Variants in MVD observed in about 807,000 individuals in gnomAD.
MVD encodes the protein diphosphomevalonate decarboxylase.
A neutral mutation model predicts 42.4 loss-of-function variants in MVD; 52 were observed. The ratio of observed to expected loss-of-function variants is 1.23; its 90% CI spans 0.98 to 1.55. The LOEUF is 1.55. MVD is among the 40% of genes most tolerant of loss of function. MVD has a pLI of 0.00. For missense variants in MVD, 663 were observed against 572.1 expected (o/e 1.16, Z -1.62); for synonymous variants, 287 against 243.2 (o/e 1.18, Z -1.68).
In MVD at chr16:88,656,359, T is replaced by G. The variant is rs1183693982; in HGVS notation, c.404-55A>C. On this transcript the variant is annotated intron_variant, in intron 4 of 9. Coordinates refer to ENST00000301012, the MANE Select transcript of MVD (RefSeq NM_002461.3). ...TCAGAGCTGCCTGCGCTGTGCTCCC[T>G]GACAGCTCACCGCCCCAGGAACGTC... 15 of 1,570,052 alleles carry G rather than the reference T, an allele frequency of 9.6e-6. No individual in the cohort carries two copies. In the East Asian group the frequency reaches 3.1e-4, roughly 33 times the overall value.
At chr16:88,662,288 C>G (rs1349179415) in intron 1 of MVD, 2 of 156,400 alleles carry the variant, frequency 1.3e-5, no homozygotes, top group African/African-American at 4.8e-5. Flanking sequence ...GGGCAAAGCA[C>G]TGATACAATC....
chr16:88,653,207 A>C, intron 9 of MVD, 93 bp downstream of exon 9: 1 of 934,978 alleles, frequency 1.1e-6, no homozygotes, highest in Non-Finnish European at 1.6e-6. Context: ...AGGGACAGGG[A>C]GCCGCGCTTA....
At chr16:88,661,334 G>C (rs534282298) in intron 1 of MVD, among the ~76,000 whole-genome samples, 11 of 152,226 alleles carry the variant, frequency 7.2e-5, no homozygotes, top group African/African-American at 2.6e-4. Flanking sequence ...GCTAGTTTGG[G>C]AGACAATACC....
At chr16:88,658,747 G>T (rs750100826) in intron 1 of MVD, 27 bp from the exon 2 acceptor site, 1 of 1,591,636 alleles carries the variant, frequency 6.3e-7, no homozygotes, top group Non-Finnish European at 8.6e-7. Context: ...GGGCCAGGCC[G>T]GTGGGCTTCC....
At chr16:88,659,194 C>T (rs1908133062) in intron 1 of MVD, 1 of 188,432 alleles carries the variant, frequency 5.3e-6, no homozygotes, top group Non-Finnish European at 1.1e-5. Flanking sequence ...AACGTTTGCC[C>T]TGGGAGCGCT....
chr16:88,658,970 C>T lies in MVD; in HGVS notation c.71-250G>A, dbSNP rs139166874. ...CCGTCCCCGCTCCCCATTCCTTCAT[C>T]GCTTCTACTCCAGCATCCGTGAGTG... On this transcript the variant is annotated intron_variant, in intron 1 of 9. Coordinates refer to ENST00000301012, the MANE Select transcript of MVD (RefSeq NM_002461.3). The T allele has an allele frequency of 3.2e-3, 1,643 of 509,346 alleles. 25 individuals carry two copies. Among genetic ancestry groups the T allele is most frequent in the African/African-American group, 0.028 (1,457 of 51,858 alleles). 31.6% of individuals were successfully genotyped at this position (509,346 alleles called of 1,614,324 possible).
Position 88,652,223 on chromosome 16 carries a change from T to A in MVD, c.*302A>T, listed in dbSNP as rs956084727. ...TCAGAGAACTGGGCATAGCCAGAGC[T>A]GGGGTGAGAAAGCCCTTCAGCCCTG... On this transcript the variant is annotated 3_prime_UTR_variant, in exon 10 of 10. Coordinates refer to ENST00000301012, the MANE Select transcript of MVD (RefSeq NM_002461.3). 4 of 529,344 alleles carry A rather than the reference T, an allele frequency of 7.6e-6. No homozygotes were observed. In the Admixed American group the frequency reaches 1.3e-4, roughly 17 times the overall value. 32.8% of individuals were successfully genotyped at this position (529,344 alleles called of 1,614,324 possible).
chr16:88,656,686 C>A (rs1459915302), intron 4 of MVD: 3 of 319,752 alleles, frequency 9.4e-6, no homozygotes, highest in African/African-American at 4.2e-5. Context: ...CAGGACAGAG[C>A]TGGACTCCAC....
In MVD at chr16:88,652,483, G is replaced by T; in HGVS notation, c.*42C>A. 5 of 1,547,394 alleles carry T rather than the reference G, an allele frequency of 3.2e-6. No individual in the cohort carries two copies. The highest frequency in any genetic ancestry group is 4.4e-6 in the Non-Finnish European group (5 of 1,144,162). On this transcript the variant is annotated 3_prime_UTR_variant, in exon 10 of 10. Transcript: ENST00000301012. ...ACATCCGCTCCCTAGCTCCGGCGAGGCCACCCCTTCTCCAAGCGGCATGCG... is the reference window on the plus strand; with the variant it reads ...ACATCCGCTCCCTAGCTCCGGCGAGTCCACCCCTTCTCCAAGCGGCATGCG...
chr16:88,662,345 A>G (rs1908357633), intron 1 of MVD, among the ~76,000 whole-genome samples: 1 of 152,222 alleles, frequency 6.6e-6, no homozygotes, highest in Non-Finnish European at 1.5e-5. Flanking sequence ...GCCAAACTCA[A>G]AAGATACTGG....
At chr16:88,653,439 G>C (rs747984621) in intron 8 of MVD, 31 bp from the exon 9 acceptor site, 1 of 1,558,888 alleles carries the variant, frequency 6.4e-7, no homozygotes, top group African/African-American at 1.4e-5. Flanking sequence ...CACGGTGAAT[G>C]CATCCGTTTC....
rs1263357235 is a variant in MVD, at chr16:88,652,474, T to C, written c.*51A>G. On this transcript the variant is annotated 3_prime_UTR_variant, in exon 10 of 10. Transcript: ENST00000301012. ...CAGCCCACCACATCCGCTCCCTAGC[T>C]CCGGCGAGGCCACCCCTTCTCCAAG... 1.3e-6 allele frequency: 2 copies of C among 1,540,788 alleles called. No homozygotes were observed. The highest frequency in any genetic ancestry group is 1.4e-5 in the African/African-American group (1 of 72,838).
intron 3 of MVD, 162 bp from the exon 4 acceptor site, chr16:88,657,744 G>T: frequency 7.8e-7 from 1 of 1,276,360 alleles, no homozygotes; most frequent in Non-Finnish European, 1.1e-6. Context: ...CCCAAGCCCA[G>T]CTGGTCATTG....
At position 88,655,715 on chromosome 16, in the gene MVD, T is replaced by G. The variant is rs1336491945; in HGVS notation, c.619A>C (p.Lys207Gln). 1.5e-5 allele frequency: 24 copies of G among 1,558,982 alleles called. No homozygotes were observed. In the East Asian group the frequency reaches 4.4e-4, roughly 28 times the overall value. The stretch of plus-strand genomic sequence containing the variant: ...ATGCCCACGGTACTGCCTGTCAGCT[T>G]CTTCTCAGCGCTCACCTGCACGAGG... ...VLILVVSAEK[K>Q]LTGSTVGMRA... Residue 207 changes from lysine to glutamine, a missense_variant, in exon 6 of 10, where the codon AAG becomes CAG. By Grantham distance (53) the Lys-to-Gln change is moderately conservative. Transcript: ENST00000301012.
At chr16:88,657,345 GC>G (rs1907995409) in intron 4 of MVD, 90 bp downstream of exon 4, 10 of 1,501,890 alleles carry the variant, frequency 6.7e-6, no homozygotes, top group African/African-American at 1.4e-5. Flanking sequence ...TTTTAGCCAC[GC>G]CCAGCAGTGG....
In MVD at chr16:88,655,347, G is replaced by T; in HGVS notation, c.749C>A (p.Pro250His). Residue 250 changes from proline to histidine, a missense_variant, in exon 7 of 10, where the codon CCC (proline) becomes CAC (histidine). By Grantham distance (77) the Pro-to-His change is moderately conservative (BLOSUM62 -2). Transcript: ENST00000301012. Reference protein sequence around the residue: ...MARCIRERDFPSFAQLTMKDS... With the variant: ...MARCIRERDFHSFAQLTMKDS... ...CTTCATGGTCAGCTGGGCGAAGCTG[G>T]GGAAGTCTCGCTCCCGGATGCAGCG... The T allele has an allele frequency of 6.2e-7, 1 of 1,602,686 alleles. No individual in the cohort carries two copies. Among genetic ancestry groups the T allele is most frequent in the East Asian group, 2.3e-5 (1 of 44,284 alleles).
intron 9 of MVD, 128 bp from the exon 10 acceptor site, chr16:88,652,733 G>A (rs1907653042): frequency 1.1e-6 from 1 of 893,296 alleles, no homozygotes; most frequent in Admixed American, 2.7e-5. Context: ...TGGTCAGAAG[G>A]TAAAGCGCCT....
intron 8 of MVD, among the ~76,000 whole-genome samples, chr16:88,654,245 A>C (rs1907764240): frequency 6.6e-6 from 1 of 152,138 alleles, no homozygotes; most frequent in Non-Finnish European, 1.5e-5. Context: ...AAAGACACCC[A>C]ACTGCCGGGG....
In MVD at chr16:88,657,588, G is replaced by C. The variant is rs776610479; in HGVS notation, c.257-6C>G. Reference sequence around the variant, plus strand: ...CTTCCGGGCCAGGCAGCGGACTGCAGAGACAATGAGACAGCGTGTGGCCCA... The same window carrying C: ...CTTCCGGGCCAGGCAGCGGACTGCACAGACAATGAGACAGCGTGTGGCCCA... On this transcript the variant is annotated splice_region_variant and splice_polypyrimidine_tract_variant and intron_variant, in intron 3 of 9. Coordinates refer to ENST00000301012, the MANE Select transcript of MVD (RefSeq NM_002461.3). 3.7e-6 allele frequency: 6 copies of C among 1,610,572 alleles called. No individual in the cohort carries two copies. The highest frequency in any genetic ancestry group is 5.1e-6 in the Non-Finnish European group (6 of 1,178,172).
Sources: gnomAD v4.1 joint callset for allele counts (sites outside exome capture counted in the v4.1 genomes callset) on GRCh38, gnomAD v4.1.1 for gene constraint, MANE v1.5 for transcripts, NCBI Gene and HGNC (gene_info 2026-07-23, HGNC 2026-07-21) for gene names.